Variants in OPRK1 observed in about 807,000 individuals in gnomAD.
OPRK1 encodes opioid receptor kappa 1.
Under a neutral mutation model 24.5 loss-of-function variants are expected in OPRK1, and 15 were observed. The ratio of observed to expected loss-of-function variants is 0.61; its 90% CI spans 0.41 to 0.94. The LOEUF is 0.94. Ranked by LOEUF, OPRK1 falls within the 40% of genes least tolerant of loss-of-function variation. The pLI, the probability that OPRK1 is intolerant of heterozygous loss-of-function variation, is 0.00. For missense variants in OPRK1, 479 were observed against 507.3 expected (o/e 0.94, Z 0.54); for synonymous variants, 205 against 198.0 (o/e 1.04, Z -0.30).
At chr8:53,234,670 C>A in intron 3 of OPRK1, 89 bp downstream of exon 3, 1 of 1,176,386 alleles carries the variant, frequency 8.5e-7, no homozygotes, top group Non-Finnish European at 1.2e-6. Flanking sequence ...TCGATTTCCA[C>A]TAAATATGTG....
chr8:53,245,088 C>G (rs1807199634), intron 2 of OPRK1, among the ~76,000 whole-genome samples: 2 of 152,060 alleles, frequency 1.3e-5, no homozygotes, highest in South Asian at 4.1e-4. Context: ...GGAATAATGA[C>G]AAGAAAGAAA....
intron 2 of OPRK1, among the ~76,000 whole-genome samples, chr8:53,237,127 C>T (rs1807014133): frequency 6.6e-6 from 1 of 152,146 alleles, no homozygotes; most frequent in South Asian, 2.1e-4. Context: ...CCCCAACTCC[C>T]ACCTCCCTTC....
intron 2 of OPRK1, among the ~76,000 whole-genome samples, chr8:53,248,999 T>C (rs1355933445): frequency 6.6e-6 from 1 of 152,228 alleles, no homozygotes; most frequent in Non-Finnish European, 1.5e-5. Flanking sequence ...CTAGCTAATC[T>C]ACAGGATTTT....
chr8:53,247,621 A>G (rs1312348370), intron 2 of OPRK1, among the ~76,000 whole-genome samples: 1 of 152,016 alleles, frequency 6.6e-6, no homozygotes, highest in Non-Finnish European at 1.5e-5. Flanking sequence ...CGTGAGTGTC[A>G]TGGTGTTCAT....
At chr8:53,250,450 C>G (rs1038589764) in intron 2 of OPRK1, among the ~76,000 whole-genome samples, 9 of 152,142 alleles carry the variant, frequency 5.9e-5, no homozygotes, top group Non-Finnish European at 8.8e-5. Context: ...AACCCCTGAC[C>G]CTGTTGTCAG....
chr8:53,231,847 C>A (rs1437209004), intron 3 of OPRK1, among the ~76,000 whole-genome samples: 2 of 152,206 alleles, frequency 1.3e-5, no homozygotes, highest in Admixed American at 1.3e-4. Context: ...GCAGAAGCCG[C>A]ACAGGGCTGC....
At chr8:53,244,482 C>T (rs1187232151) in intron 2 of OPRK1, among the ~76,000 whole-genome samples, 1 of 152,182 alleles carries the variant, frequency 6.6e-6, no homozygotes, top group Non-Finnish European at 1.5e-5. Flanking sequence ...GGTTTCAATA[C>T]TGCTGAGGCT....
chr8:53,230,799 C>T (rs1028781564), intron 3 of OPRK1, among the ~76,000 whole-genome samples: 1 of 152,148 alleles, frequency 6.6e-6, no homozygotes, highest in Non-Finnish European at 1.5e-5. Context: ...TCTCTTTGCC[C>T]TGGTCCTTCC....
chr8:53,229,491 C>T lies in OPRK1; in HGVS notation c.949G>A (p.Ala317Thr), dbSNP rs200826073. ...AALSSYYFCI[A>T]LGYTNSSLNP... ...AGGCTACTGTTGGTATAGCCTAAGG[C>T]GATGCAGAAGTAATAGCTGGAGAGA... is the stretch of plus-strand genomic sequence containing the variant. The change falls in exon 4 of 4, where the codon GCC (alanine) becomes ACC (threonine). Residue 317 changes from alanine to threonine, a missense_variant. Ala to Thr is a moderately conservative substitution (Grantham distance 58). Coordinates refer to ENST00000265572, the MANE Select transcript of OPRK1 (RefSeq NM_000912.5). 1.5e-5 allele frequency: 24 copies of T among 1,614,046 alleles called. No homozygotes were observed. The highest frequency in any genetic ancestry group is 4.5e-5 in the East Asian group (2 of 44,886).
intron 3 of OPRK1, among the ~76,000 whole-genome samples, chr8:53,232,661 C>G (rs1806883800): frequency 6.6e-6 from 1 of 152,136 alleles, no homozygotes; most frequent in Non-Finnish European, 1.5e-5. Flanking sequence ...GTTTAACAAG[C>G]AGATTTTGGT....
rs1395767420 is a variant in OPRK1 at position 53,250,797 on chromosome 8, T to G, written c.241A>C (p.Met81Leu). Residue 81 changes from methionine (M) to leucine (L), a missense_variant, in exon 2 of 4, where the codon ATG becomes CTG. Coordinates refer to ENST00000265572, the MANE Select transcript of OPRK1 (RefSeq NM_000912.5). The stretch of plus-strand genomic sequence containing the variant: ...CGCGCTCACCGGATGATCACGAACA[T>G]GACCAGCGAGTTGCCCACCAAGCCC... ...VVGLVGNSLV[M>L]FVIIRYTKMK... 7.5e-6 allele frequency: 12 copies of G among 1,609,534 alleles called. No individual in the cohort carries two copies. Among genetic ancestry groups the G allele is most frequent in the Non-Finnish European group, 9.3e-6 (11 of 1,177,970 alleles).
chr8:53,232,022 T>C (rs949452407), intron 3 of OPRK1, among the ~76,000 whole-genome samples: 2 of 152,170 alleles, frequency 1.3e-5, no homozygotes, highest in African/African-American at 4.8e-5. Flanking sequence ...GAGTTGGAAA[T>C]ATCCTCCAGA....
rs992515993 is a variant in OPRK1 at position 53,236,758 on chromosome 8, GA to G, written c.258-1648del. 2.0e-5 allele frequency among the ~76,000 whole-genome samples: 3 copies of G among 151,916 alleles called. 1 individual carries two copies. Among genetic ancestry groups the G allele is most frequent in the African/African-American group, 7.3e-5 (3 of 41,358 alleles). On this transcript the variant is annotated intron_variant, in intron 2 of 3. Transcript: ENST00000265572. The stretch of plus-strand genomic sequence containing the variant: ...TTCTTAAAAATATGGTTTTATGTTT[GA>G]AAAAAATGCATCTTACAAACCTAAC...
chr8:53,242,692 G>C (rs57890770), intron 2 of OPRK1: 44,749 of 478,652 alleles, frequency 0.093, 2,572 homozygotes, highest in African/African-American at 0.21. Flanking sequence ...ATTTTTAGTA[G>C]AGACGGGGTT....
At chr8:53,241,235 G>A (rs1395879594) in intron 2 of OPRK1, among the ~76,000 whole-genome samples, 1 of 152,148 alleles carries the variant, frequency 6.6e-6, no homozygotes, top group Admixed American at 6.5e-5. Context: ...AATGATGACC[G>A]TGCTGACGTG....
intron 2 of OPRK1, among the ~76,000 whole-genome samples, chr8:53,245,304 G>C (rs912266908): frequency 6.6e-6 from 1 of 152,160 alleles, no homozygotes; most frequent in Non-Finnish European, 1.5e-5. Flanking sequence ...AAGAAGAAGA[G>C]ATTAAGACAC....
Position 53,244,804 on chromosome 8 carries a change from G to A in OPRK1, c.257+5977C>T, listed in dbSNP as rs185947719. On this transcript the variant is annotated intron_variant, in intron 2 of 3. Transcript: ENST00000265572. ...GATGGGCAGTGTTCTGAGCTGAACC[G>A]TGTCCTCTCAAAATTCCTATGTTGG... Among the ~76,000 whole-genome samples the A allele has an allele frequency of 2.6e-5, 4 of 152,260 alleles. No homozygotes were observed. In the East Asian group the frequency reaches 5.8e-4, roughly 22 times the overall value.
intron 2 of OPRK1, among the ~76,000 whole-genome samples, chr8:53,239,776 C>T (rs1416194759): frequency 6.6e-6 from 1 of 152,172 alleles, no homozygotes; most frequent in African/African-American, 2.4e-5. Context: ...TATTCATTAC[C>T]TGCCACAGCC....
intron 3 of OPRK1, among the ~76,000 whole-genome samples, chr8:53,232,765 C>T (rs1806886811): frequency 6.6e-6 from 1 of 152,132 alleles, no homozygotes; most frequent in Admixed American, 6.5e-5. Context: ...GTTCTAATAG[C>T]TAAACTAAAG....
Sources: allele counts gnomAD v4.1 joint callset (sites outside exome capture counted in the v4.1 genomes callset), GRCh38; gene constraint gnomAD v4.1.1; transcripts MANE v1.5; gene names NCBI Gene and HGNC (gene_info 2026-07-23, HGNC 2026-07-21).